TENM2: variants seen among roughly 807,000 people sequenced by gnomAD.
The protein encoded by TENM2 is teneurin transmembrane protein 2, also known as teneurin-2.
A neutral mutation model predicts 245.2 loss-of-function variants in TENM2; 52 were observed. That is an observed-to-expected ratio of 0.21 (90% CI 0.17 to 0.27). The LOEUF (loss-of-function observed/expected upper bound fraction) is 0.27, where lower values mean the gene tolerates loss of function less well. Among genes scored for constraint, TENM2 ranks in the 10% least tolerant of loss-of-function variants. The pLI is 1.00. For synonymous variants in TENM2, 1,363 were observed against 1,438.9 expected (o/e 0.95, Z 1.19); for missense variants, 3,046 against 3,666.8 (o/e 0.83, Z 4.37).
chr5:167,404,864 C>A (rs1762546824), intron 2 of TENM2, among the ~76,000 whole-genome samples: 1 of 152,094 alleles, frequency 6.6e-6, no homozygotes, highest in Non-Finnish European at 1.5e-5. Context: ...CTTGTGCAAC[C>A]TTCAGCACAA....
intron 2 of TENM2, among the ~76,000 whole-genome samples, chr5:167,829,258 T>G (rs58181573): frequency 1.7e-3 from 259 of 152,340 alleles, no homozygotes; most frequent in African/African-American, 5.2e-3. Flanking sequence ...GAGCTGCATA[T>G]CACACCTACA....
intron 1 of TENM2, among the ~76,000 whole-genome samples, chr5:167,356,993 G>A (rs1242015223): frequency 2.0e-5 from 3 of 152,096 alleles, no homozygotes; most frequent in Admixed American, 6.5e-5. Flanking sequence ...TGAAAGTATT[G>A]TGGGCCTTAT....
intron 1 of TENM2, among the ~76,000 whole-genome samples, chr5:167,313,889 A>G (rs911229516): frequency 2.6e-5 from 4 of 152,212 alleles, no homozygotes; most frequent in African/African-American, 9.6e-5. Context: ...AGGTGAATCA[A>G]TCCCATTTGG....
chr5:167,722,916 T>G (rs889051248), intron 2 of TENM2, among the ~76,000 whole-genome samples: 1 of 152,184 alleles, frequency 6.6e-6, no homozygotes, highest in East Asian at 1.9e-4. Flanking sequence ...CACGGAGAAA[T>G]GAGGCAGTTT....
chr5:168,095,375 G>A (rs1027402442), intron 8 of TENM2, among the ~76,000 whole-genome samples: 1 of 152,072 alleles, frequency 6.6e-6, no homozygotes, highest in African/African-American at 2.4e-5. Context: ...CCACCCCAGA[G>A]CCTTTGCATA....
the TENM2 span, among the ~76,000 whole-genome samples, chr5:167,259,437 C>T: frequency 6.6e-6 from 1 of 152,146 alleles, no homozygotes; most frequent in Non-Finnish European, 1.5e-5. Flanking sequence ...ACTAAAATAT[C>T]ATTTAAATAA....
At chr5:167,035,128 CTG>C in the TENM2 span, among the ~76,000 whole-genome samples, 54 of 152,084 alleles carry the variant, frequency 3.6e-4, no homozygotes, top group South Asian at 0.011. Context: ...TCACCACAGA[CTG>C]TATTTTATTT....
At chr5:167,748,507 T>C (rs1435691594) in intron 2 of TENM2, among the ~76,000 whole-genome samples, 1 of 152,110 alleles carries the variant, frequency 6.6e-6, no homozygotes, top group Non-Finnish European at 1.5e-5. Context: ...GCCTCTTCAG[T>C]AGTTGGAACT....
the TENM2 span, among the ~76,000 whole-genome samples, chr5:167,122,870 C>T: frequency 6.6e-6 from 1 of 152,058 alleles, no homozygotes; most frequent in African/African-American, 2.4e-5. Flanking sequence ...GTGAGCTGTA[C>T]CTGTAATGTT....
At chr5:167,139,922 G>C in the TENM2 span, among the ~76,000 whole-genome samples, 1 of 152,170 alleles carries the variant, frequency 6.6e-6, no homozygotes, top group Non-Finnish European at 1.5e-5. Context: ...GGAGAAAAAT[G>C]CTAGTCATTT....
intron 2 of TENM2, among the ~76,000 whole-genome samples, chr5:167,463,642 G>A (rs1349827838): frequency 1.3e-5 from 2 of 151,972 alleles, no homozygotes; most frequent in Non-Finnish European, 2.9e-5. Context: ...GGGATTATGG[G>A]CATGCACCAT....
intron 2 of TENM2, among the ~76,000 whole-genome samples, chr5:167,451,700 G>C (rs1222589027): frequency 4.6e-5 from 7 of 151,656 alleles, no homozygotes; most frequent in African/African-American, 1.7e-4. Context: ...CCAGGCTGGA[G>C]TGCAGTGGCG....
At chr5:167,252,704 AC>A in the TENM2 span, among the ~76,000 whole-genome samples, 1 of 152,100 alleles carries the variant, frequency 6.6e-6, no homozygotes, top group Admixed American at 6.6e-5. Context: ...GAAGACGAGA[AC>A]CTGAAATTAG....
At chr5:167,727,818 C>G (rs1286259147) in intron 2 of TENM2, among the ~76,000 whole-genome samples, 1 of 152,214 alleles carries the variant, frequency 6.6e-6, no homozygotes, top group Non-Finnish European at 1.5e-5. Flanking sequence ...GTTAAGAATT[C>G]AAATCTAAGT....
chr5:167,474,896 T>A (rs369560097), intron 2 of TENM2, among the ~76,000 whole-genome samples: 1 of 152,234 alleles, frequency 6.6e-6, no homozygotes, highest in African/African-American at 2.4e-5. Context: ...AAATCTGGAC[T>A]GTTTTCAAAT....
chr5:168,092,707 A>T (rs1403744324), intron 8 of TENM2, among the ~76,000 whole-genome samples: 2 of 152,232 alleles, frequency 1.3e-5, no homozygotes, highest in African/African-American at 2.4e-5. Context: ...TGAGATTTTT[A>T]AAAATCTTTA....
chr5:167,560,907 G>A (rs1488846232), intron 2 of TENM2, among the ~76,000 whole-genome samples: 2 of 133,832 alleles, frequency 1.5e-5, no homozygotes, highest in Non-Finnish European at 3.4e-5. Flanking sequence ...GTCATGAACT[G>A]GGGAGAAGGT....
At chr5:168,197,602 A>G (rs1761555873) in intron 15 of TENM2, among the ~76,000 whole-genome samples, 1 of 151,772 alleles carries the variant, frequency 6.6e-6, no homozygotes, top group African/African-American at 2.4e-5. Context: ...TGGGAGGCTA[A>G]GGCAGGAGAA....
At chr5:167,758,317 A>T (rs1347927919) in intron 2 of TENM2, among the ~76,000 whole-genome samples, 1 of 152,122 alleles carries the variant, frequency 6.6e-6, no homozygotes, top group African/African-American at 2.4e-5. Flanking sequence ...CATTCCATCA[A>T]TATCTTGCTC....
Sources: gnomAD v4.1 joint callset for allele counts (sites outside exome capture counted in the v4.1 genomes callset) on GRCh38, gnomAD v4.1.1 for gene constraint, MANE v1.5 for transcripts, NCBI Gene and HGNC (gene_info 2026-07-23, HGNC 2026-07-21) for gene names.